The following GLCCI1 variants were observed in gnomAD, a reference collection of about 807,000 sequenced individuals.
The protein encoded by GLCCI1 is glucocorticoid-induced transcript 1 protein.
In GLCCI1, 24 loss-of-function variants were observed where a neutral mutation model predicts 52.2. That is an observed-to-expected ratio of 0.46 (90% CI 0.33 to 0.65). The LOEUF (loss-of-function observed/expected upper bound fraction) is 0.65. GLCCI1 is among the 30% of genes least tolerant of loss of function. The pLI, the probability that GLCCI1 is intolerant of heterozygous loss-of-function variation, is 0.02. For synonymous variants in GLCCI1, 310 were observed against 276.5 expected (o/e 1.12, Z -1.20); for missense variants, 704 against 701.5 (o/e 1.00, Z -0.04).
chr7:8,004,467 T>A (rs1781107829), intron 2 of GLCCI1, among the ~76,000 whole-genome samples: 1 of 152,216 alleles, frequency 6.6e-6, no homozygotes, highest in Non-Finnish European at 1.5e-5. Flanking sequence ...TTTTTTCTGT[T>A]TAAAACCAAG....
chr7:8,088,700 G>A lies in GLCCI1; in HGVS notation c.*2162G>A, dbSNP rs892950979. 2 of 152,538 alleles carry A rather than the reference G, an allele frequency of 1.3e-5. No individual in the cohort carries two copies. The highest frequency in any genetic ancestry group is 4.8e-5 in the African/African-American group (2 of 41,428). 9.4% of individuals were successfully genotyped at this position (152,538 alleles called of 1,614,324 possible). On this transcript the variant is annotated 3_prime_UTR_variant, in exon 8 of 8. Coordinates refer to ENST00000223145, the MANE Select transcript of GLCCI1 (RefSeq NM_138426.4). ...AAAATGGACTGAATATGCTTTTTTG[G>A]TGATGAAATCTCATGTACGATATTT...
At chr7:8,066,465 T>A (rs1782633405) in intron 5 of GLCCI1, among the ~76,000 whole-genome samples, 1 of 151,944 alleles carries the variant, frequency 6.6e-6, no homozygotes, top group East Asian at 1.9e-4. Flanking sequence ...CTCTAGTCCC[T>A]CTATATGTGA....
intron 5 of GLCCI1, among the ~76,000 whole-genome samples, chr7:8,063,380 A>T (rs1039658077): frequency 6.6e-6 from 1 of 151,844 alleles, no homozygotes; most frequent in South Asian, 2.1e-4. Flanking sequence ...TCCTGAGCTC[A>T]GGCAATCCAC....
intron 5 of GLCCI1, among the ~76,000 whole-genome samples, chr7:8,068,868 T>A (rs1782691952): frequency 1.3e-5 from 2 of 152,242 alleles, no homozygotes; most frequent in South Asian, 4.1e-4. Context: ...GCTGACTTAT[T>A]GTCCTTAGTT....
Position 8,086,043 on chromosome 7 carries a change from G to C in GLCCI1, c.1299-150G>C. On this transcript the variant is annotated intron_variant, in intron 7 of 7. Coordinates refer to ENST00000223145, the MANE Select transcript of GLCCI1 (RefSeq NM_138426.4). The surrounding 1 kb of genome is among the most constrained non-coding windows in gnomAD (Gnocchi z 4.4). ...ATGAATAGTCTGCCAGCTGACTTGT[G>C]CTATGGAAGATGTTTACCCCTCTGT... 2 of 642,870 alleles carry C rather than the reference G, an allele frequency of 3.1e-6. No individual in the cohort carries two copies. The highest frequency in any genetic ancestry group is 3.9e-5 in the South Asian group (2 of 51,232). The allele number at this position is 642,870 out of a possible 1,614,324, so 39.8% of individuals were successfully genotyped here.
chr7:7,998,176 G>GTTTTTTTTTTTTTTTTTTTTTTTTTT (rs71014742), intron 1 of GLCCI1, among the ~76,000 whole-genome samples: 1 of 143,680 alleles, frequency 7.0e-6, no homozygotes, highest in Non-Finnish European at 1.5e-5. Flanking sequence ...AGTTTTTTTT[G>GTTTTTTTTTTTTTTTTTTTTTTTTTT]TTTTTTTTTT....
intron 1 of GLCCI1, among the ~76,000 whole-genome samples, chr7:8,002,259 A>G (rs961268356): frequency 7.5e-6 from 1 of 133,146 alleles, no homozygotes; most frequent in Non-Finnish European, 1.7e-5. Context: ...ACTGATAATT[A>G]TTCCTATATT....
In GLCCI1 at chr7:8,049,663, G is replaced by A. The variant is rs976630743; in HGVS notation, c.697-5770G>A. Among the ~76,000 whole-genome samples, 4 of 152,170 alleles carry A rather than the reference G, an allele frequency of 2.6e-5. No homozygotes were observed. In the East Asian group the frequency reaches 7.7e-4, roughly 29 times the overall value. ...TAAATTTTTGTTCATTATTATTTCA[G>A]TTTCACGGCTTGTAATATCTCCAGC... On this transcript the variant is annotated intron_variant, in intron 3 of 7. Transcript: ENST00000223145.
chr7:8,005,484 C>T (rs1160108384), intron 2 of GLCCI1, among the ~76,000 whole-genome samples: 1 of 152,094 alleles, frequency 6.6e-6, no homozygotes, highest in Non-Finnish European at 1.5e-5. Flanking sequence ...AAGACCATTG[C>T]AACATTACAC....
Position 8,065,594 on chromosome 7 carries a change from G to A in GLCCI1, c.967-5327G>A, listed in dbSNP as rs1782615037. On this transcript the variant is annotated intron_variant, in intron 5 of 7. Coordinates refer to ENST00000223145, the MANE Select transcript of GLCCI1 (RefSeq NM_138426.4). The stretch of plus-strand genomic sequence containing the variant: ...ATGTTCCTTCAGTGCCTAGTTTGTT[G>A]GAGGTTTTTAACATGAAGGGATGTT... Among the ~76,000 whole-genome samples the A allele has an allele frequency of 2.0e-5, 3 of 152,128 alleles. No individual in the cohort carries two copies. The South Asian group carries it at 6.2e-4, about 32-fold the overall frequency.
At chr7:8,019,717 A>G (rs777869157) in intron 2 of GLCCI1, among the ~76,000 whole-genome samples, 1 of 152,228 alleles carries the variant, frequency 6.6e-6, no homozygotes, top group Non-Finnish European at 1.5e-5. Flanking sequence ...AAAACTGTAC[A>G]GCATGTTACC....
In GLCCI1 at chr7:8,086,481, C is replaced by T. The variant is rs750672122; in HGVS notation, c.1587C>T (p.Leu529=). ...AGCAGCCATCCCAGCAGCAGCAGCT[C>T]CTGCAGGAACTGCAGGGTGAGGACC... is the stretch of plus-strand genomic sequence containing the variant. ...SVQQPSQQQQ[L]LQELQGEDHI... is the part of the protein sequence containing the mutation. Residue 529 remains leucine, a synonymous_variant, in exon 8 of 8, where the codon CTC becomes CTT. Transcript: ENST00000223145. The surrounding 1 kb of genome is among the most constrained non-coding windows in gnomAD (Gnocchi z 4.4). 2.5e-6 allele frequency: 4 copies of T among 1,613,960 alleles called. No homozygotes were observed. The African/African-American group carries it at 5.3e-5, about 22-fold the overall frequency.
At chr7:8,083,290 T>C (rs1783036495) in intron 6 of GLCCI1, among the ~76,000 whole-genome samples, 1 of 152,208 alleles carries the variant, frequency 6.6e-6, no homozygotes, top group Non-Finnish European at 1.5e-5. Flanking sequence ...GCCTGGTTTG[T>C]TGCTGTTTGC....
At chr7:8,046,714 T>C (rs1782137978) in intron 3 of GLCCI1, among the ~76,000 whole-genome samples, 1 of 152,216 alleles carries the variant, frequency 6.6e-6, no homozygotes, top group Admixed American at 6.5e-5. Flanking sequence ...TGATGCCTCA[T>C]GTCTCCATAA....
intron 6 of GLCCI1, among the ~76,000 whole-genome samples, chr7:8,079,455 A>G (rs893583678): frequency 6.6e-6 from 1 of 151,568 alleles, no homozygotes; most frequent in Admixed American, 6.5e-5. Flanking sequence ...AAGATTTACA[A>G]TCATTATTTT....
At chr7:8,012,940 A>T (rs1421558970) in intron 2 of GLCCI1, among the ~76,000 whole-genome samples, 3 of 152,062 alleles carry the variant, frequency 2.0e-5, no homozygotes, top group Non-Finnish European at 4.4e-5. Context: ...GATCCATTTG[A>T]GTCCATTTTT....
intron 5 of GLCCI1, among the ~76,000 whole-genome samples, chr7:8,068,805 A>G (rs191696130): frequency 3.3e-5 from 5 of 152,066 alleles, no homozygotes; most frequent in Admixed American, 6.5e-5. Context: ...CAGTCGGTTG[A>G]CTTTTCGGGA....
At chr7:8,037,378 A>G (rs1293531359) in intron 3 of GLCCI1, among the ~76,000 whole-genome samples, 1 of 152,204 alleles carries the variant, frequency 6.6e-6, no homozygotes, top group African/African-American at 2.4e-5. Context: ...CTGGTCCTAC[A>G]AGAAATGCTC....
rs930758355 is a variant in GLCCI1 at position 8,055,358 on chromosome 7, A to G, written c.697-75A>G. 9 of 856,814 alleles carry G rather than the reference A, an allele frequency of 1.1e-5. 1 individual carries two copies. In the South Asian group the frequency reaches 1.4e-4, roughly 13 times the overall value. The allele number at this position is 856,814 out of a possible 1,614,324, so 53.1% of individuals were successfully genotyped here. A position where few individuals can be genotyped will look rare whatever the true frequency, so the allele number is the denominator to read the frequency against. On this transcript the variant is annotated intron_variant, in intron 3 of 7. Transcript: ENST00000223145. ...TGAAAATGTTTTAATCAGTACCCCA[A>G]AACTGAAGAAATAAATATAAAAATT...
Sources: gnomAD v4.1 joint callset for allele counts (sites outside exome capture counted in the v4.1 genomes callset) on GRCh38, gnomAD v4.1.1 for gene constraint, Gnocchi (gnomAD v3.1) non-coding constraint, MANE v1.5 for transcripts, NCBI Gene and HGNC (gene_info 2026-07-23, HGNC 2026-07-21) for gene names.